Variants in CHST9 observed in about 807,000 individuals in gnomAD.
CHST9 encodes the protein GalNAc-4-sulfotransferase 2.
CHST9 carries 41 observed loss-of-function variants against 44.4 expected under a neutral mutation model. That is an observed-to-expected ratio of 0.92 (90% CI 0.72 to 1.20). CHST9 has a LOEUF of 1.20. CHST9 is among the 50% of genes most tolerant of loss of function. CHST9 has a pLI of 0.00. For synonymous variants in CHST9, 171 were observed against 178.4 expected (o/e 0.96, Z 0.33); for missense variants, 504 against 516.5 (o/e 0.98, Z 0.23).
intron 1 of CHST9, among the ~76,000 whole-genome samples, chr18:27,161,513 G>A (rs995455776): frequency 4.1e-4 from 62 of 152,268 alleles, no homozygotes; most frequent in Non-Finnish European, 1.9e-4. Flanking sequence ...CATTTGCTGA[G>A]AAGTGCTTTA....
chr18:27,121,822 G>A (rs568947975), intron 2 of CHST9, among the ~76,000 whole-genome samples: 10 of 152,296 alleles, frequency 6.6e-5, no homozygotes, highest in Admixed American at 2.6e-4. Context: ...TACTGAGAAC[G>A]TCTCTCATCA....
chr18:27,115,496 T>A (rs529574763), intron 2 of CHST9, among the ~76,000 whole-genome samples: 1 of 152,112 alleles, frequency 6.6e-6, no homozygotes, highest in South Asian at 2.1e-4. Flanking sequence ...AAATTCCAAT[T>A]TCTCCACATT....
chr18:26,944,351 A>AT lies in CHST9; in HGVS notation c.217dup (p.Ile73AsnfsTer16). Reference sequence around the variant, plus strand: ...TACCTGGTTGGTGATATGTTCCTGGATTTTTTCTGTACTCACTGAAAGAGA... The same window carrying AT: ...TACCTGGTTGGTGATATGTTCCTGGATTTTTTTCTGTACTCACTGAAAGAGA... On this transcript the variant is annotated frameshift_variant, in exon 5 of 6. Transcript: ENST00000618847. LOFTEE classifies it high-confidence loss of function. The AT allele has an allele frequency of 1.2e-6, 2 of 1,608,808 alleles. No individual in the cohort carries two copies. The highest frequency in any genetic ancestry group is 1.1e-5 in the South Asian group (1 of 90,932).
At chr18:26,989,164 C>A (rs1034052361) in intron 4 of CHST9, among the ~76,000 whole-genome samples, 3 of 151,706 alleles carry the variant, frequency 2.0e-5, no homozygotes, top group Non-Finnish European at 2.9e-5. Context: ...AAGAATAGAC[C>A]AAGATAAATA....
intron 4 of CHST9, among the ~76,000 whole-genome samples, chr18:26,963,747 A>G (rs1397380267): frequency 6.6e-6 from 1 of 152,180 alleles, no homozygotes; most frequent in Non-Finnish European, 1.5e-5. Context: ...ATGTGACTTC[A>G]GGCAATTCAA....
intron 4 of CHST9, among the ~76,000 whole-genome samples, chr18:27,021,788 C>G (rs183941718): frequency 6.6e-6 from 1 of 152,194 alleles, no homozygotes; most frequent in Non-Finnish European, 1.5e-5. Context: ...CCCGTGTAAG[C>G]TATGTGCTGT....
intron 4 of CHST9, among the ~76,000 whole-genome samples, chr18:26,951,847 G>T (rs918507072): frequency 6.6e-6 from 1 of 152,184 alleles, no homozygotes; most frequent in Non-Finnish European, 1.5e-5. Context: ...AGACTTCAGG[G>T]CAGAGAACAC....
intron 2 of CHST9, among the ~76,000 whole-genome samples, chr18:27,115,638 C>A (rs370584886): frequency 7.2e-5 from 11 of 152,142 alleles, no homozygotes; most frequent in African/African-American, 2.2e-4. Flanking sequence ...CCTCAGCCTG[C>A]TGTGTAGCTG....
At chr18:27,047,901 T>A (rs916296298) in intron 3 of CHST9, among the ~76,000 whole-genome samples, 1 of 152,188 alleles carries the variant, frequency 6.6e-6, no homozygotes, top group Non-Finnish European at 1.5e-5. Flanking sequence ...CATGGAAATA[T>A]GAAAATGTAA....
chr18:26,952,171 G>T, intron 4 of CHST9: 1 of 520,616 alleles, frequency 1.9e-6, no homozygotes. Flanking sequence ...TAGCAGGAGG[G>T]CTAGGGATGG....
intron 1 of CHST9, among the ~76,000 whole-genome samples, chr18:27,148,692 A>G (rs1397314990): frequency 6.8e-6 from 1 of 148,106 alleles, no homozygotes; most frequent in Admixed American, 6.8e-5. Flanking sequence ...AGTCTTTGCT[A>G]TTGTGAATAG....
At chr18:26,961,999 C>G (rs1245787530) in intron 4 of CHST9, among the ~76,000 whole-genome samples, 1 of 152,126 alleles carries the variant, frequency 6.6e-6, no homozygotes, top group Non-Finnish European at 1.5e-5. Context: ...CAGGGAGACA[C>G]ACAGGACAGA....
chr18:27,138,304 C>G (rs1456397442), intron 2 of CHST9, among the ~76,000 whole-genome samples: 3 of 152,166 alleles, frequency 2.0e-5, no homozygotes, highest in African/African-American at 7.2e-5. Context: ...GTTAAGTCTT[C>G]AAGAAATACT....
chr18:27,052,528 A>G (rs1369496032), intron 2 of CHST9, among the ~76,000 whole-genome samples: 1 of 152,040 alleles, frequency 6.6e-6, no homozygotes, highest in Non-Finnish European at 1.5e-5. Context: ...TCATTCTCTC[A>G]ATGTTCACTT....
At chr18:26,943,793 A>G (rs1210560316) in intron 5 of CHST9, among the ~76,000 whole-genome samples, 1 of 152,214 alleles carries the variant, frequency 6.6e-6, no homozygotes, top group Non-Finnish European at 1.5e-5. Flanking sequence ...AAAATAGATC[A>G]GTAAGAAGAT....
chr18:26,947,520 A>G (rs750759536), intron 4 of CHST9, among the ~76,000 whole-genome samples: 2 of 152,232 alleles, frequency 1.3e-5, no homozygotes, highest in Non-Finnish European at 2.9e-5. Flanking sequence ...ACAAAGGGCT[A>G]ATATCTAGAA....
chr18:26,984,667 A>G (rs1172569688), intron 4 of CHST9, among the ~76,000 whole-genome samples: 1 of 151,770 alleles, frequency 6.6e-6, no homozygotes, highest in Non-Finnish European at 1.5e-5. Flanking sequence ...GGTAAAGTCA[A>G]TCTCTCAGAA....
chr18:27,113,466 TG>T (rs1300866894), intron 2 of CHST9, among the ~76,000 whole-genome samples: 1 of 152,214 alleles, frequency 6.6e-6, no homozygotes, highest in Non-Finnish European at 1.5e-5. Flanking sequence ...TTTAGCAACC[TG>T]ACATGGTCTG....
chr18:26,958,141 C>A (rs538188444), intron 4 of CHST9, among the ~76,000 whole-genome samples: 1 of 151,820 alleles, frequency 6.6e-6, no homozygotes, highest in Non-Finnish European at 1.5e-5. Flanking sequence ...CTACCTTGGC[C>A]TCCCAAAGTG....
Sources: allele counts gnomAD v4.1 joint callset (sites outside exome capture counted in the v4.1 genomes callset), GRCh38; gene constraint gnomAD v4.1.1; transcripts MANE v1.5; gene names NCBI Gene and HGNC (gene_info 2026-07-23, HGNC 2026-07-21).